Variants in LRRC4C observed in about 807,000 individuals in gnomAD.
The protein encoded by LRRC4C is leucine rich repeat containing 4C.
A neutral mutation model predicts 33.6 loss-of-function variants in LRRC4C; 5 were observed. That is an observed-to-expected ratio of 0.15 (90% CI 0.08 to 0.31). LRRC4C has a LOEUF of 0.31. Ranked by LOEUF, LRRC4C falls within the 10% of genes least tolerant of loss-of-function variation. The pLI is 1.00. For synonymous variants in LRRC4C, 329 were observed against 302.0 expected (o/e 1.09, Z -0.93); for missense variants, 560 against 796.7 (o/e 0.70, Z 3.58).
intron 3 of LRRC4C, among the ~76,000 whole-genome samples, chr11:40,597,133 T>C (rs888737716): frequency 2.0e-5 from 3 of 152,184 alleles, no homozygotes; most frequent in Non-Finnish European, 4.4e-5. Context: ...CAACCTACAT[T>C]TACATAAGTT....
At chr11:41,163,694 C>A (rs1166041321) in intron 1 of LRRC4C, among the ~76,000 whole-genome samples, 1 of 152,032 alleles carries the variant, frequency 6.6e-6, no homozygotes, top group African/African-American at 2.4e-5. Flanking sequence ...TCACTGCAAC[C>A]TCCACCTCCT....
intron 3 of LRRC4C, among the ~76,000 whole-genome samples, chr11:40,451,157 G>C (rs1951864510): frequency 6.6e-6 from 1 of 150,858 alleles, no homozygotes; most frequent in Non-Finnish European, 1.5e-5. Flanking sequence ...AGCAGAATCA[G>C]AAAATAATAA....
intron 1 of LRRC4C, among the ~76,000 whole-genome samples, chr11:41,418,188 G>A (rs533249070): frequency 9.9e-5 from 15 of 151,968 alleles, no homozygotes; most frequent in African/African-American, 3.1e-4. Context: ...GATTTACATA[G>A]ACATATCTGA....
chr11:41,079,396 T>C (rs1939393674), intron 1 of LRRC4C, among the ~76,000 whole-genome samples: 1 of 152,182 alleles, frequency 6.6e-6, no homozygotes, highest in Non-Finnish European at 1.5e-5. Context: ...TGTAACAATT[T>C]TGAAGGATAG....
At chr11:40,550,707 A>G (rs550162470) in intron 3 of LRRC4C, among the ~76,000 whole-genome samples, 60 of 152,298 alleles carry the variant, frequency 3.9e-4, no homozygotes, top group Admixed American at 5.9e-4. Context: ...GTATTCAGGC[A>G]GAGGCTCATT....
Position 40,811,908 on chromosome 11 carries a change from C to A in LRRC4C, c.-407+121727G>T, listed in dbSNP as rs1951506618. 2.0e-5 allele frequency among the ~76,000 whole-genome samples: 3 copies of A among 152,136 alleles called. No homozygotes were observed. In the South Asian group the frequency reaches 6.2e-4, roughly 31 times the overall value. On this transcript the variant is annotated intron_variant, in intron 2 of 6. Coordinates refer to ENST00000528697, the MANE Select transcript of LRRC4C (RefSeq NM_001258419.2). ...ATATGTGAGATAGGGAGGATAATAG[C>A]AACTCTGCCAGGATGCCAAGAAGAT... is the stretch of plus-strand genomic sequence containing the variant.
intron 1 of LRRC4C, among the ~76,000 whole-genome samples, chr11:40,936,199 A>G (rs1957889804): frequency 6.7e-6 from 1 of 149,528 alleles, no homozygotes; most frequent in Non-Finnish European, 1.5e-5. Context: ...GAATTGTAAA[A>G]TAGGTTATTT....
intron 5 of LRRC4C, among the ~76,000 whole-genome samples, chr11:40,218,578 CTATG>C (rs71060947): frequency 0.077 from 8,912 of 115,230 alleles, 347 homozygotes; most frequent in South Asian, 0.085. Context: ...GATGAAGAAT[CTATG>C]TATGTATGTA....
chr11:41,365,726 A>T (rs1449229555), intron 1 of LRRC4C, among the ~76,000 whole-genome samples: 2 of 152,196 alleles, frequency 1.3e-5, no homozygotes, highest in Non-Finnish European at 2.9e-5. Flanking sequence ...GACACAGAAC[A>T]GCTAGCATTC....
chr11:41,102,586 T>C (rs1205265497), intron 1 of LRRC4C, among the ~76,000 whole-genome samples: 1 of 152,040 alleles, frequency 6.6e-6, no homozygotes, highest in African/African-American at 2.4e-5. Flanking sequence ...CTATCTACTT[T>C]GGATTTTTGA....
intron 1 of LRRC4C, among the ~76,000 whole-genome samples, chr11:41,384,057 C>T (rs1953259717): frequency 6.6e-6 from 1 of 151,848 alleles, no homozygotes; most frequent in Non-Finnish European, 1.5e-5. Flanking sequence ...TATTTACATA[C>T]AATTTTGGTA....
At chr11:41,044,611 A>G (rs1857648904) in intron 1 of LRRC4C, among the ~76,000 whole-genome samples, 1 of 152,144 alleles carries the variant, frequency 6.6e-6, no homozygotes, top group African/African-American at 2.4e-5. Context: ...CTATGCTCAT[A>G]AATTATAAAG....
chr11:40,279,177 C>A (rs771949000), intron 4 of LRRC4C, among the ~76,000 whole-genome samples: 2 of 152,150 alleles, frequency 1.3e-5, no homozygotes, highest in African/African-American at 4.8e-5. Context: ...TCAGCAAATT[C>A]TCTTTTTTGC....
intron 1 of LRRC4C, among the ~76,000 whole-genome samples, chr11:41,246,638 G>T (rs1948463532): frequency 6.6e-6 from 1 of 152,200 alleles, no homozygotes. Context: ...CATGGCAGTG[G>T]CCACTCCAGA....
At chr11:40,700,293 G>T (rs908564159) in intron 2 of LRRC4C, among the ~76,000 whole-genome samples, 4 of 151,970 alleles carry the variant, frequency 2.6e-5, no homozygotes, top group African/African-American at 7.3e-5. Context: ...AGAAACACAC[G>T]CAGGTTTTTA....
intron 1 of LRRC4C, among the ~76,000 whole-genome samples, chr11:41,326,285 T>C (rs1365858732): frequency 2.0e-5 from 3 of 152,166 alleles, no homozygotes; most frequent in Non-Finnish European, 4.4e-5. Flanking sequence ...ATTTGGACTT[T>C]TGGACTTACA....
intron 1 of LRRC4C, among the ~76,000 whole-genome samples, chr11:41,421,528 A>G (rs1954872981): frequency 6.6e-6 from 1 of 152,050 alleles, no homozygotes; most frequent in Admixed American, 6.6e-5. Context: ...GTTATAGCTC[A>G]GTAGCAAATG....
chr11:40,546,095 TTCC>T (rs1956908080), intron 3 of LRRC4C, among the ~76,000 whole-genome samples: 1 of 81,828 alleles, frequency 1.2e-5, no homozygotes, highest in Non-Finnish European at 3.0e-5. Flanking sequence ...CCTTCCTTCC[TTCC>T]TTCCTTCCTT....
At chr11:40,145,043 A>G (rs1857627754) in intron 5 of LRRC4C, among the ~76,000 whole-genome samples, 2 of 152,140 alleles carry the variant, frequency 1.3e-5, no homozygotes, top group South Asian at 2.1e-4. Context: ...GCCTCATTAG[A>G]CTGCATGCCC....
Sources: allele counts gnomAD v4.1 joint callset (sites outside exome capture counted in the v4.1 genomes callset), GRCh38; gene constraint gnomAD v4.1.1; transcripts MANE v1.5; gene names NCBI Gene and HGNC (gene_info 2026-07-23, HGNC 2026-07-21).